The following RABGAP1L variants were observed in gnomAD, a reference collection of about 807,000 sequenced individuals.
RABGAP1L encodes rab GTPase-activating protein 1-like.
In RABGAP1L, 63 loss-of-function variants were observed where a neutral mutation model predicts 137.7. The ratio of observed to expected loss-of-function variants is 0.46; its 90% confidence interval spans 0.37 to 0.56. The LOEUF (loss-of-function observed/expected upper bound fraction) is 0.56. Ranked by LOEUF, RABGAP1L falls within the 20% of genes least tolerant of loss-of-function variation. RABGAP1L has a pLI of 0.00. For missense variants in RABGAP1L, 1,095 were observed against 1,244.0 expected, an observed-to-expected ratio of 0.88 and a Z score of 1.80; for synonymous variants, 431 against 433.7, an observed-to-expected ratio of 0.99 and a Z score of 0.08.
At chr1:174,539,755 G>T (rs146674005) in intron 13 of RABGAP1L, among the ~76,000 whole-genome samples, 1 of 152,168 alleles carries the variant, frequency 6.6e-6, no homozygotes, top group Non-Finnish European at 1.5e-5. Flanking sequence ...ATAAACATAC[G>T]TATGCATGTG....
chr1:174,497,265 T>C (rs557444484), intron 13 of RABGAP1L, among the ~76,000 whole-genome samples: 1 of 152,358 alleles, frequency 6.6e-6, no homozygotes, highest in South Asian at 2.1e-4. Flanking sequence ...CTCTTTTCCT[T>C]TTATCAAGTA....
intron 13 of RABGAP1L, among the ~76,000 whole-genome samples, chr1:174,549,594 C>G (rs1339094306): frequency 6.6e-6 from 1 of 152,134 alleles, no homozygotes; most frequent in East Asian, 1.9e-4. Context: ...AGTAATAGCT[C>G]TTGAGATCTC....
chr1:174,639,959 A>T (rs561264103), intron 14 of RABGAP1L, among the ~76,000 whole-genome samples: 1 of 152,314 alleles, frequency 6.6e-6, no homozygotes, highest in East Asian at 1.9e-4. Context: ...CTGAATGAAG[A>T]ATATTGTAAA....
At chr1:174,306,025 T>C (rs1678205222) in intron 11 of RABGAP1L, among the ~76,000 whole-genome samples, 1 of 152,212 alleles carries the variant, frequency 6.6e-6, no homozygotes, top group East Asian at 1.9e-4. Flanking sequence ...TTTGGTTTTT[T>C]GCCCTTGCAA....
chr1:174,545,311 C>A, intron 13 of RABGAP1L: 1 of 105,746 alleles, frequency 9.5e-6, no homozygotes, highest in Non-Finnish European at 1.9e-5. Context: ...ATGGCGGATG[C>A]CCCTCCCTCA....
intron 14 of RABGAP1L, among the ~76,000 whole-genome samples, chr1:174,673,737 A>G (rs1156624208): frequency 6.6e-6 from 1 of 152,164 alleles, no homozygotes; most frequent in Non-Finnish European, 1.5e-5. Context: ...GTGCTTTTAT[A>G]AAAGATGCAT....
chr1:174,940,271 T>C (rs1019899053), intron 19 of RABGAP1L, among the ~76,000 whole-genome samples: 1 of 151,896 alleles, frequency 6.6e-6, no homozygotes, highest in East Asian at 1.9e-4. Flanking sequence ...TGTTTCTTTT[T>C]TTTTTTTTTC....
At chr1:174,629,977 T>G (rs1424285049) in intron 13 of RABGAP1L, among the ~76,000 whole-genome samples, 1 of 152,022 alleles carries the variant, frequency 6.6e-6, no homozygotes, top group Non-Finnish European at 1.5e-5. Flanking sequence ...GTGCCAGTTT[T>G]CAAAGGGAAT....
At chr1:174,471,664 C>T (rs1337017050) in intron 13 of RABGAP1L, among the ~76,000 whole-genome samples, 2 of 152,126 alleles carry the variant, frequency 1.3e-5, no homozygotes, top group African/African-American at 4.8e-5. Context: ...GGAGGCCCCT[C>T]CTTGGTGGAT....
intron 4 of RABGAP1L, among the ~76,000 whole-genome samples, chr1:174,238,577 C>T (rs1671446555): frequency 6.6e-6 from 1 of 151,734 alleles, no homozygotes; most frequent in Admixed American, 6.6e-5. Flanking sequence ...AGTTAGGCTG[C>T]TCGGGGGTCA....
chr1:174,209,678 C>T (rs984982093), intron 1 of RABGAP1L, among the ~76,000 whole-genome samples: 6 of 152,154 alleles, frequency 3.9e-5, no homozygotes, highest in African/African-American at 7.2e-5. Context: ...AACTTGTTGC[C>T]CTGAGGGGAA....
At chr1:174,206,804 G>A (rs1044892820) in intron 1 of RABGAP1L, among the ~76,000 whole-genome samples, 12 of 152,258 alleles carry the variant, frequency 7.9e-5, no homozygotes, top group African/African-American at 2.9e-4. Flanking sequence ...ACTATTTCTT[G>A]TATATGTGAA....
At chr1:174,312,236 C>G (rs1332764274) in intron 11 of RABGAP1L, among the ~76,000 whole-genome samples, 1 of 152,166 alleles carries the variant, frequency 6.6e-6, no homozygotes, top group African/African-American at 2.4e-5. Flanking sequence ...TCTTTTATCT[C>G]TACATCACTA....
chr1:174,944,274 C>CAAAAAAAAAA (rs56225773), intron 19 of RABGAP1L, among the ~76,000 whole-genome samples: 2 of 50,876 alleles, frequency 3.9e-5, no homozygotes, highest in Non-Finnish European at 7.9e-5. Flanking sequence ...AAGACTGTCT[C>CAAAAAAAAAA]AAAAAAAAAA....
At chr1:174,298,999 A>G (rs1219124974) in intron 10 of RABGAP1L, among the ~76,000 whole-genome samples, 1 of 152,260 alleles carries the variant, frequency 6.6e-6, no homozygotes, top group African/African-American at 2.4e-5. Context: ...TTTAGAATTT[A>G]ATGGCAAATA....
intron 19 of RABGAP1L, among the ~76,000 whole-genome samples, chr1:174,953,851 T>C (rs1668101016): frequency 6.6e-6 from 1 of 152,168 alleles, no homozygotes; most frequent in Non-Finnish European, 1.5e-5. Context: ...CAGGGGAGAA[T>C]AGCTGAAGGC....
chr1:174,596,966 T>G (rs1669987907), intron 13 of RABGAP1L, among the ~76,000 whole-genome samples: 1 of 152,220 alleles, frequency 6.6e-6, no homozygotes, highest in African/African-American at 2.4e-5. Flanking sequence ...TTGTATCAAT[T>G]GAAATGATCA....
chr1:174,299,726 T>C (rs893797549), intron 10 of RABGAP1L, among the ~76,000 whole-genome samples: 1 of 152,246 alleles, frequency 6.6e-6, no homozygotes, highest in Non-Finnish European at 1.5e-5. Context: ...AAAGGTTGCT[T>C]TGGCTTTCTG....
intron 14 of RABGAP1L, among the ~76,000 whole-genome samples, chr1:174,641,353 A>C (rs912257889): frequency 1.3e-5 from 2 of 152,132 alleles, no homozygotes; most frequent in African/African-American, 2.4e-5. Context: ...TCTTCAGAGT[A>C]GGAGGAAATC....
Sources: allele counts gnomAD v4.1 joint callset (sites outside exome capture counted in the v4.1 genomes callset), GRCh38; gene constraint gnomAD v4.1.1; transcripts MANE v1.5; gene names NCBI Gene and HGNC (gene_info 2026-07-23, HGNC 2026-07-21).